Variants in NBEA observed in about 807,000 individuals in gnomAD.
NBEA encodes the protein neurobeachin.
A neutral mutation model predicts 343.4 loss-of-function variants in NBEA; 44 were observed. The observed-to-expected ratio is 0.13, with a 90% CI of 0.10 to 0.16. The LOEUF (loss-of-function observed/expected upper bound fraction) is 0.16, where lower values mean the gene tolerates loss of function less well. Ranked by LOEUF, NBEA falls within the 10% of genes least tolerant of loss-of-function variation. The pLI is 1.00. For missense variants in NBEA, 2,555 were observed against 3,631.3 expected (o/e 0.70, Z 7.62); for synonymous variants, 1,175 against 1,238.7 (o/e 0.95, Z 1.08).
chr13:34,951,602 C>T (rs1369029774), intron 1 of NBEA, among the ~76,000 whole-genome samples: 2 of 152,192 alleles, frequency 1.3e-5, no homozygotes, highest in Admixed American at 6.6e-5. Flanking sequence ...AAGCACAGGA[C>T]ATCTGTTGTC....
At chr13:35,466,495 A>G (rs1327669802) in intron 40 of NBEA, among the ~76,000 whole-genome samples, 6 of 152,158 alleles carry the variant, frequency 3.9e-5, no homozygotes, top group Admixed American at 2.6e-4. Context: ...AACTATTTCC[A>G]TGCAAAAAAA....
intron 41 of NBEA, among the ~76,000 whole-genome samples, chr13:35,527,707 A>C (rs1392902493): frequency 6.6e-6 from 1 of 152,152 alleles, no homozygotes; most frequent in Admixed American, 6.5e-5. Flanking sequence ...GGCACTTCTG[A>C]GCCTGCGGGA....
intron 28 of NBEA, among the ~76,000 whole-genome samples, chr13:35,180,453 A>G (rs17197610): frequency 0.03 from 4,573 of 151,702 alleles, 103 homozygotes; most frequent in Non-Finnish European, 0.046. Flanking sequence ...TTTGGAAAGC[A>G]TACTTATTTT....
At chr13:35,430,251 G>A (rs1289104098) in intron 38 of NBEA, among the ~76,000 whole-genome samples, 1 of 152,004 alleles carries the variant, frequency 6.6e-6, no homozygotes, top group Non-Finnish European at 1.5e-5. Flanking sequence ...TTGGCCATTT[G>A]TCAATCTTAT....
intron 8 of NBEA, among the ~76,000 whole-genome samples, chr13:35,067,443 T>G (rs1429823602): frequency 1.3e-5 from 2 of 152,134 alleles, no homozygotes; most frequent in Admixed American, 1.3e-4. Context: ...AACAGTTTTA[T>G]TGAAGTGTAA....
At chr13:35,621,302 T>C (rs922540514) in intron 48 of NBEA, among the ~76,000 whole-genome samples, 7 of 152,184 alleles carry the variant, frequency 4.6e-5, no homozygotes, top group African/African-American at 1.7e-4. Flanking sequence ...AGGTGCTCCA[T>C]GTTGAATGAA....
intron 44 of NBEA, among the ~76,000 whole-genome samples, chr13:35,566,316 G>A (rs943588332): frequency 2.0e-5 from 3 of 152,098 alleles, no homozygotes; most frequent in East Asian, 1.9e-4. Flanking sequence ...AGCCAAGATC[G>A]CGCCATTGCA....
In NBEA at chr13:35,584,186, T is replaced by A. The variant is rs544457915; in HGVS notation, c.7176+148T>A. On this transcript the variant is annotated intron_variant, in intron 46 of 58. Transcript: ENST00000379939. The stretch of plus-strand genomic sequence containing the variant: ...TTAAAGATTTCAAAGTAGCAAAATA[T>A]GAATTTTTTTTATTGAGTTGTCTCA... The A allele has an allele frequency of 4.8e-5, 43 of 899,102 alleles. No individual in the cohort carries two copies. In the South Asian group the frequency reaches 6.6e-4, roughly 14 times the overall value. 55.7% of individuals were successfully genotyped at this position (899,102 alleles called of 1,614,324 possible).
intron 1 of NBEA, among the ~76,000 whole-genome samples, chr13:35,025,901 TG>T (rs2062005027): frequency 6.6e-6 from 1 of 152,202 alleles, no homozygotes. Context: ...CTGAGTTGTT[TG>T]GAAAAAATTT....
intron 41 of NBEA, among the ~76,000 whole-genome samples, chr13:35,540,404 T>TC (rs1330881082): frequency 6.6e-6 from 1 of 152,144 alleles, no homozygotes. Context: ...AGTTCTGGTC[T>TC]CCCCACCTCA....
chr13:35,254,944 G>C (rs1286350076), intron 34 of NBEA, among the ~76,000 whole-genome samples: 2 of 151,580 alleles, frequency 1.3e-5, no homozygotes, highest in African/African-American at 4.8e-5. Context: ...TCTCCATAGG[G>C]AAGTATTATA....
chr13:35,638,168 G>T (rs2083783694), intron 49 of NBEA, among the ~76,000 whole-genome samples: 1 of 152,176 alleles, frequency 6.6e-6, no homozygotes, highest in Non-Finnish European at 1.5e-5. Context: ...AAGATGAAAA[G>T]AGTTCTGGAG....
At chr13:35,143,079 TTTTGTATGGCTCTAAGTTAA>T (rs2152696395) in intron 18 of NBEA, among the ~76,000 whole-genome samples, 1 of 152,294 alleles carries the variant, frequency 6.6e-6, no homozygotes. Context: ...CAGCATCCAT[TTTTGTATGGCTCTAAGTTAA>T]GGAAGCTTTT....
chr13:35,396,361 T>C (rs540340767), intron 38 of NBEA, among the ~76,000 whole-genome samples: 3 of 152,254 alleles, frequency 2.0e-5, no homozygotes, highest in African/African-American at 7.2e-5. Flanking sequence ...CTATTCTCCC[T>C]TTCATTCTTT....
intron 18 of NBEA, among the ~76,000 whole-genome samples, chr13:35,145,895 G>A (rs1165868863): frequency 6.6e-6 from 1 of 152,166 alleles, no homozygotes; most frequent in African/African-American, 2.4e-5. Flanking sequence ...CAAAGAGACT[G>A]ACATGGAACT....
chr13:35,133,542 A>T (rs1046898746), intron 17 of NBEA, among the ~76,000 whole-genome samples: 1 of 152,106 alleles, frequency 6.6e-6, no homozygotes, highest in African/African-American at 2.4e-5. Flanking sequence ...TAACATTGCT[A>T]ATATTAAAAG....
chr13:35,157,023 T>C (rs1403513147), intron 20 of NBEA, 55 bp from the exon 21 acceptor site: 2 of 1,374,974 alleles, frequency 1.5e-6, no homozygotes, highest in African/African-American at 2.9e-5. Flanking sequence ...TTCAAAATAG[T>C]AAATTCTAAC....
intron 33 of NBEA, among the ~76,000 whole-genome samples, chr13:35,229,107 T>C (rs1450105001): frequency 6.6e-6 from 1 of 152,168 alleles, no homozygotes; most frequent in African/African-American, 2.4e-5. Context: ...CATAGCTCAC[T>C]GCAGCCTTGA....
At chr13:35,527,406 AC>A (rs986570330) in intron 41 of NBEA, among the ~76,000 whole-genome samples, 4 of 151,942 alleles carry the variant, frequency 2.6e-5, no homozygotes, top group African/African-American at 9.7e-5. Flanking sequence ...CTGCCCAGGA[AC>A]CCGTCTGCCT....
Sources: gnomAD v4.1 joint callset for allele counts (sites outside exome capture counted in the v4.1 genomes callset) on GRCh38, gnomAD v4.1.1 for gene constraint, MANE v1.5 for transcripts, NCBI Gene and HGNC (gene_info 2026-07-23, HGNC 2026-07-21) for gene names.